Variants in MGAT4C observed in about 807,000 individuals in gnomAD.
The protein encoded by MGAT4C is alpha-1,3-mannosyl-glycoprotein 4-beta-N-acetylglucosaminyltransferase C.
Under a neutral mutation model 40.1 loss-of-function variants are expected in MGAT4C, and 19 were observed. That is an observed-to-expected ratio of 0.47 (90% CI 0.33 to 0.70). MGAT4C has a LOEUF of 0.70. Ranked by LOEUF, MGAT4C falls within the 30% of genes least tolerant of loss-of-function variation. The pLI is 0.02. For missense variants in MGAT4C, 491 were observed against 563.2 expected, an observed-to-expected ratio of 0.87 and a Z score of 1.30; for synonymous variants, 181 against 187.1, an observed-to-expected ratio of 0.97 and a Z score of 0.27.
At position 85,961,619 on chromosome 12, in the gene MGAT4C, C is replaced by T. The variant is rs900700333; in HGVS notation, c.*17670G>A. The T allele has an allele frequency of 4.6e-5, 7 of 151,634 alleles. No individual in the cohort carries two copies. Among genetic ancestry groups the T allele is most frequent in the African/African-American group, 1.7e-4 (7 of 41,354 alleles). The allele number at this position is 151,634 out of a possible 1,614,324, so 9.4% of individuals were successfully genotyped here. A position where few individuals can be genotyped will look rare whatever the true frequency, so the allele number is the denominator to read the frequency against. ...ATGCTTGTCACTATATAAACTTCACCCTAAGGAAATTTCCATGTCAGATAC... is the reference window on the plus strand; with the variant it reads ...ATGCTTGTCACTATATAAACTTCACTCTAAGGAAATTTCCATGTCAGATAC... On this transcript the variant is annotated 3_prime_UTR_variant, in exon 5 of 5. Transcript: ENST00000611864.
chr12:86,252,490 T>C (rs1358774104), intron 1 of MGAT4C, among the ~76,000 whole-genome samples: 3 of 151,814 alleles, frequency 2.0e-5, no homozygotes, highest in Admixed American at 6.6e-5. Context: ...TCTGAGGAGG[T>C]TGTATTTTAG....
At chr12:86,081,442 A>G (rs2135543892) in intron 1 of MGAT4C, among the ~76,000 whole-genome samples, 1 of 152,258 alleles carries the variant, frequency 6.6e-6, no homozygotes, top group Non-Finnish European at 1.5e-5. Context: ...TTATTATAAT[A>G]TTACATTTGT....
At chr12:86,116,110 G>A (rs1348683691) in intron 1 of MGAT4C, among the ~76,000 whole-genome samples, 1 of 151,700 alleles carries the variant, frequency 6.6e-6, no homozygotes, top group Non-Finnish European at 1.5e-5. Flanking sequence ...AGGCTGCTCT[G>A]GCCCAACTAT....
At chr12:86,493,117 G>A (rs1337831371) in intron 2 of MGAT4C, among the ~76,000 whole-genome samples, 1 of 150,748 alleles carries the variant, frequency 6.6e-6, no homozygotes, top group East Asian at 1.9e-4. Context: ...ACACAAGTTA[G>A]AATGGCGATC....
intron 1 of MGAT4C, among the ~76,000 whole-genome samples, chr12:86,057,852 C>T (rs919951094): frequency 2.6e-5 from 4 of 152,114 alleles, no homozygotes; most frequent in African/African-American, 9.7e-5. Flanking sequence ...TTTAATTCAA[C>T]AAGATTTCTA....
rs565279729 is a variant in MGAT4C at position 86,295,561 on chromosome 12, C to T, written c.-57+38504G>A. On this transcript the variant is annotated intron_variant, in intron 4 of 7. Transcript: ENST00000548651. ...TATTGCAAAGAGCGAAACAACAATGCTTCCACAGTGTGGAAGGGGACCCCA... is the reference window on the plus strand; with the variant it reads ...TATTGCAAAGAGCGAAACAACAATGTTTCCACAGTGTGGAAGGGGACCCCA... 7.2e-5 allele frequency among the ~76,000 whole-genome samples: 11 copies of T among 152,246 alleles called. No homozygotes were observed. In the South Asian group the frequency reaches 2.3e-3, roughly 32 times the overall value.
intron 1 of MGAT4C, among the ~76,000 whole-genome samples, chr12:86,146,160 G>A (rs1364803106): frequency 2.0e-5 from 3 of 152,074 alleles, no homozygotes; most frequent in Non-Finnish European, 4.4e-5. Flanking sequence ...TCTATGATCC[G>A]AAGACCTGAA....
chr12:86,367,417 A>G (rs1303395953), intron 3 of MGAT4C, among the ~76,000 whole-genome samples: 1 of 152,144 alleles, frequency 6.6e-6, no homozygotes, highest in Non-Finnish European at 1.5e-5. Context: ...GTTTGGGAAC[A>G]CACAACTCTC....
chr12:86,827,532 C>A (rs1383890401), intron 1 of MGAT4C, among the ~76,000 whole-genome samples: 1 of 151,206 alleles, frequency 6.6e-6, no homozygotes, highest in Non-Finnish European at 1.5e-5. Flanking sequence ...GAAAATGTGA[C>A]AATGAATGAA....
chr12:86,206,419 A>C (rs947207227), intron 1 of MGAT4C, among the ~76,000 whole-genome samples: 3 of 152,198 alleles, frequency 2.0e-5, no homozygotes, highest in Non-Finnish European at 4.4e-5. Flanking sequence ...TGACAACTAT[A>C]AGTAAGCTAA....
intron 1 of MGAT4C, among the ~76,000 whole-genome samples, chr12:86,050,693 T>C (rs1405106520): frequency 6.6e-6 from 1 of 152,032 alleles, no homozygotes; most frequent in Non-Finnish European, 1.5e-5. Context: ...TGTGCCGTGG[T>C]CAGCTTCTGT....
chr12:86,787,331 A>T (rs1471776643), intron 1 of MGAT4C, among the ~76,000 whole-genome samples: 1 of 69,738 alleles, frequency 1.4e-5, no homozygotes, highest in East Asian at 3.7e-4. Flanking sequence ...CATTATTTTT[A>T]TGACTGAGTA....
chr12:86,606,183 A>C (rs147179315), intron 2 of MGAT4C, among the ~76,000 whole-genome samples: 1 of 152,160 alleles, frequency 6.6e-6, no homozygotes, highest in Non-Finnish European at 1.5e-5. Flanking sequence ...TTTTTGACGC[A>C]TGGGGATTAT....
chr12:86,083,607 T>C (rs1022735354), intron 1 of MGAT4C, among the ~76,000 whole-genome samples: 2 of 152,130 alleles, frequency 1.3e-5, no homozygotes, highest in African/African-American at 4.8e-5. Context: ...CTGTACTAGA[T>C]AACAATAATC....
intron 1 of MGAT4C, among the ~76,000 whole-genome samples, chr12:86,207,987 G>A (rs1228448269): frequency 6.6e-6 from 1 of 152,092 alleles, no homozygotes; most frequent in African/African-American, 2.4e-5. Context: ...AGTCCATTTT[G>A]GATTTTTTAC....
chr12:86,204,870 T>C (rs1408983558), intron 1 of MGAT4C, among the ~76,000 whole-genome samples: 1 of 152,026 alleles, frequency 6.6e-6, no homozygotes, highest in Admixed American at 6.6e-5. Context: ...CCCAAAAACA[T>C]ACAGATACAC....
At chr12:86,313,303 A>C (rs1224247521) in intron 4 of MGAT4C, among the ~76,000 whole-genome samples, 1 of 146,580 alleles carries the variant, frequency 6.8e-6, no homozygotes, top group Non-Finnish European at 1.5e-5. Flanking sequence ...CAGTCTTAAA[A>C]TGAAAACTCA....
Position 86,149,154 on chromosome 12 carries a change from CTG to C in MGAT4C, c.-56-99433_-56-99432del, listed in dbSNP as rs536619474. Among the ~76,000 whole-genome samples the C allele has an allele frequency of 1.2e-3, 187 of 152,060 alleles. 1 individual carries two copies. Among genetic ancestry groups the C allele is most frequent in the East Asian group, 0.012 (60 of 5,178 alleles). ...TAAAGCTTTTACATTAATATAGAAA[CTG>C]TTTATTTTTTAAATTTTTTCATAAA... On this transcript the variant is annotated intron_variant, in intron 1 of 4. Transcript: ENST00000611864.
chr12:86,211,076 T>C (rs1254366196), intron 1 of MGAT4C, among the ~76,000 whole-genome samples: 1 of 151,830 alleles, frequency 6.6e-6, no homozygotes, highest in Non-Finnish European at 1.5e-5. Flanking sequence ...TGGTAGTATA[T>C]ACCTGTTTGC....
Sources: allele counts gnomAD v4.1 joint callset (sites outside exome capture counted in the v4.1 genomes callset), GRCh38; gene constraint gnomAD v4.1.1; transcripts MANE v1.5; gene names NCBI Gene and HGNC (gene_info 2026-07-23, HGNC 2026-07-21).